The following HERC2 variants were observed in gnomAD, a reference collection of about 807,000 sequenced individuals.
HERC2 encodes HECT and RLD domain containing E3 ubiquitin protein ligase 2.
HERC2 carries 102 observed loss-of-function variants against 537.7 expected under a neutral mutation model. That is an observed-to-expected ratio of 0.19 (90% CI 0.16 to 0.22). The LOEUF (loss-of-function observed/expected upper bound fraction) is 0.22. Among genes scored for constraint, HERC2 ranks in the 10% least tolerant of loss-of-function variants. The pLI is 1.00. For synonymous variants in HERC2, 2,224 were observed against 2,466.2 expected, an observed-to-expected ratio of 0.90 and a Z score of 2.91; for missense variants, 4,236 against 6,198.2, an observed-to-expected ratio of 0.68 and a Z score of 10.63.
chr15:28,115,748 C>T (rs1477262992), intron 88 of HERC2, among the ~76,000 whole-genome samples: 1 of 151,992 alleles, frequency 6.6e-6, no homozygotes, highest in Non-Finnish European at 1.5e-5. Flanking sequence ...GCCTCTAACT[C>T]TTCACATCCT....
chr15:28,295,255 A>G (rs1192883733), intron 3 of HERC2, among the ~76,000 whole-genome samples: 1 of 136,758 alleles, frequency 7.3e-6, no homozygotes, highest in Non-Finnish European at 1.5e-5. Flanking sequence ...AACACAGCTC[A>G]GGTGAGAACA....
chr15:28,210,200 C>T (rs74950057), intron 44 of HERC2, among the ~76,000 whole-genome samples: 1 of 151,984 alleles, frequency 6.6e-6, no homozygotes, highest in Non-Finnish European at 1.5e-5. Context: ...GTGGCGCCAT[C>T]TCGGCTCACT....
Position 28,124,143 on chromosome 15 carries a change from C to T in HERC2, c.13082G>A (p.Cys4361Tyr). Reference sequence around the variant, plus strand: ...CAGGTCGAACATGGGGATGCAGGGGCAGAAGAGCTCGGAGAGGTGGTGCAG... The same window carrying T: ...CAGGTCGAACATGGGGATGCAGGGGTAGAAGAGCTCGGAGAGGTGGTGCAG... ...LLLHHLSELF[C>Y]PCIPMFDLEG... The change falls in exon 85 of 93, where the codon TGC (cysteine) becomes TAC (tyrosine). Residue 4361 changes from cysteine to tyrosine, a missense_variant. Cys to Tyr is a radical substitution (Grantham distance 194, BLOSUM62 -2). Coordinates refer to ENST00000261609, the MANE Select transcript of HERC2 (RefSeq NM_004667.6). 3 of 1,598,264 alleles carry T rather than the reference C, an allele frequency of 1.9e-6. No homozygotes were observed. In the South Asian group the frequency reaches 3.4e-5, roughly 18 times the overall value.
chr15:28,263,580 C>T (rs2075471635), intron 14 of HERC2, among the ~76,000 whole-genome samples: 1 of 147,156 alleles, frequency 6.8e-6, no homozygotes, highest in Admixed American at 6.6e-5. Flanking sequence ...GTCAACTGTA[C>T]CACTGTATGT....
At chr15:28,256,555 A>G (rs2075268167) in intron 17 of HERC2, among the ~76,000 whole-genome samples, 1 of 152,200 alleles carries the variant, frequency 6.6e-6, no homozygotes, top group South Asian at 2.1e-4. Context: ...GATCAGCAGA[A>G]GAGCTAAACA....
At chr15:28,215,020 A>ACC (rs1252575765) in intron 39 of HERC2, among the ~76,000 whole-genome samples, 1 of 151,876 alleles carries the variant, frequency 6.6e-6, no homozygotes, top group African/African-American at 2.4e-5. Context: ...GATTACAGGC[A>ACC]CCCACCACCA....
intron 57 of HERC2, among the ~76,000 whole-genome samples, chr15:28,181,408 T>C (rs1440692370): frequency 1.3e-5 from 2 of 152,162 alleles, no homozygotes; most frequent in African/African-American, 4.8e-5. Context: ...TCAGGTACAC[T>C]GAAACACAAA....
At chr15:28,196,671 G>T (rs2525936) in intron 50 of HERC2, 102 bp from the exon 51 acceptor site, 420,287 of 608,924 alleles carry the variant, frequency 0.69, 161,131 homozygotes, top group Non-Finnish European at 0.83. Flanking sequence ...GTAGTTATTT[G>T]TTTTTTACAA....
intron 63 of HERC2, among the ~76,000 whole-genome samples, chr15:28,175,926 C>T (rs1895246738): frequency 6.6e-6 from 1 of 152,168 alleles, no homozygotes; most frequent in African/African-American, 2.4e-5. Context: ...GAAAATAAGA[C>T]ACACTACTGC....
At chr15:28,134,655 A>G (rs1566929243) in intron 79 of HERC2, among the ~76,000 whole-genome samples, 2 of 151,454 alleles carry the variant, frequency 1.3e-5, no homozygotes, top group Non-Finnish European at 2.9e-5. Context: ...GACTACTCAG[A>G]GTTTTTATCA....
intron 43 of HERC2, among the ~76,000 whole-genome samples, 162 bp from the exon 44 acceptor site, chr15:28,211,307 CA>C (rs1429979878): frequency 6.6e-6 from 1 of 150,816 alleles, no homozygotes; most frequent in African/African-American, 2.4e-5. Context: ...CCCAGAGTTA[CA>C]CTCGGTGCTT....
chr15:28,250,786 T>C (rs1234827566), intron 20 of HERC2, among the ~76,000 whole-genome samples: 4 of 152,006 alleles, frequency 2.6e-5, no homozygotes, highest in South Asian at 2.1e-4. Flanking sequence ...ACACTTAAGG[T>C]GAGAAAACAG....
chr15:28,151,812 A>G (rs1186520333), intron 70 of HERC2, among the ~76,000 whole-genome samples: 1 of 152,222 alleles, frequency 6.6e-6, no homozygotes, highest in African/African-American at 2.4e-5. Context: ...TAGGAAACCA[A>G]TTCATTCTCT....
chr15:28,233,032 T>C, intron 30 of HERC2, 114 bp downstream of exon 30: 1 of 751,178 alleles, frequency 1.3e-6, no homozygotes, highest in East Asian at 2.6e-5. Context: ...TGGCAGCAGG[T>C]AGAAATGTCA....
At chr15:28,189,600 A>C (rs537376527) in intron 55 of HERC2, among the ~76,000 whole-genome samples, 66 of 152,322 alleles carry the variant, frequency 4.3e-4, no homozygotes, top group African/African-American at 1.5e-3. Flanking sequence ...GTTCCATGAC[A>C]TTCCAGAATA....
intron 2 of HERC2, among the ~76,000 whole-genome samples, chr15:28,313,902 G>C (rs1447682262): frequency 6.6e-6 from 1 of 152,128 alleles, no homozygotes; most frequent in South Asian, 2.1e-4. Context: ...CGGAGCTTCT[G>C]AGAGACTCCC....
intron 92 of HERC2, among the ~76,000 whole-genome samples, 176 bp from the exon 93 acceptor site, chr15:28,112,211 G>C (rs62007495): frequency 0.012 from 1,801 of 152,270 alleles, 20 homozygotes; most frequent in Non-Finnish European, 0.019. Context: ...CTAGAACTTG[G>C]AGTAAGAAAC....
chr15:28,227,106 C>T (rs555976508), intron 35 of HERC2, among the ~76,000 whole-genome samples: 1 of 152,260 alleles, frequency 6.6e-6, no homozygotes, highest in East Asian at 1.9e-4. Flanking sequence ...TAAACCCCAT[C>T]TCTACTAAAA....
chr15:28,265,885 C>A lies in HERC2; in HGVS notation c.1688G>T (p.Ser563Ile). The A allele has an allele frequency of 6.2e-7, 1 of 1,614,188 alleles. No individual in the cohort carries two copies. Among genetic ancestry groups the A allele is most frequent in the Non-Finnish European group, 8.5e-7 (1 of 1,180,050 alleles). The change falls in exon 13 of 93, where the codon AGT becomes ATT. Residue 563 changes from serine (S) to isoleucine (I), a missense_variant. Ser to Ile is a moderately radical substitution (Grantham distance 142, BLOSUM62 -2). Around this residue, in one of 27 missense-constraint regions of HERC2, gnomAD observed 754 missense variants for 1,085.0 expected, o/e 0.69. Transcript: ENST00000261609. The surrounding 1 kb of genome is among the most constrained non-coding windows in gnomAD (Gnocchi z 4.0). ...CTCCCCCTCGGCAGTGATGGCCGCA[C>A]TGTAAGTGCTCCCGCAAGCGATGTG... ...VVHIACGSTYSAAITAEGELY... is the reference protein window; with the variant it reads ...VVHIACGSTYIAAITAEGELY...
Sources: allele counts gnomAD v4.1 joint callset (sites outside exome capture counted in the v4.1 genomes callset), GRCh38; gene constraint gnomAD v4.1.1; regional missense constraint gnomAD v4.1.1; non-coding constraint Gnocchi (gnomAD v3.1); transcripts MANE v1.5; gene names NCBI Gene and HGNC (gene_info 2026-07-23, HGNC 2026-07-21).